Variants in NUP214 observed in about 807,000 individuals in gnomAD.
NUP214 encodes the protein nucleoporin 214, also known as nuclear pore complex protein Nup214.
NUP214 carries 79 observed loss-of-function variants against 196.2 expected under a neutral mutation model. The observed-to-expected ratio is 0.40, with a 90% CI of 0.34 to 0.49. The LOEUF (loss-of-function observed/expected upper bound fraction) is 0.49, where lower values mean the gene tolerates loss of function less well. NUP214 is among the 20% of genes least tolerant of loss of function. The pLI is 0.58. For missense variants in NUP214, 2,468 were observed against 2,539.0 expected (o/e 0.97, Z 0.60); for synonymous variants, 1,020 against 990.5 (o/e 1.03, Z -0.56).
intron 18 of NUP214, among the ~76,000 whole-genome samples, chr9:131,162,023 T>A (rs1832653878): frequency 6.6e-6 from 1 of 152,124 alleles, no homozygotes; most frequent in African/African-American, 2.4e-5. Context: ...ATTTTTTTTT[T>A]AAGCTTATCA....
At chr9:131,196,514 T>C (rs1398397329) in intron 28 of NUP214, among the ~76,000 whole-genome samples, 1 of 152,210 alleles carries the variant, frequency 6.6e-6, no homozygotes. Flanking sequence ...TTATGGGTGC[T>C]TTACCCATAT....
chr9:131,154,909 G>A (rs1194010292), intron 17 of NUP214, among the ~76,000 whole-genome samples: 1 of 152,194 alleles, frequency 6.6e-6, no homozygotes, highest in Non-Finnish European at 1.5e-5. Context: ...GGGCATTTGG[G>A]CTCGTTCCAT....
chr9:131,161,327 G>A (rs1468552093), intron 18 of NUP214, among the ~76,000 whole-genome samples: 4 of 149,960 alleles, frequency 2.7e-5, no homozygotes, highest in South Asian at 2.1e-4. Flanking sequence ...GCGCGATCTC[G>A]GCTCACTGCA....
rs1027653728 is a variant in NUP214, at chr9:131,201,853, C to T, written c.5592+136C>T. ...CTGTGTGGTTCTTAAGCTGTACTCC[C>T]TTCAGCTGCCTTGGAGGTGCAGAAG... On this transcript the variant is annotated intron_variant, in intron 30 of 35. Coordinates refer to ENST00000359428, the MANE Select transcript of NUP214 (RefSeq NM_005085.4). 5.6e-6 allele frequency: 4 copies of T among 711,156 alleles called. No homozygotes were observed. In the East Asian group the frequency reaches 8.1e-5, roughly 14 times the overall value. The allele number at this position is 711,156 out of a possible 1,614,324, so 44.1% of individuals were successfully genotyped here.
chr9:131,173,224 T>A (rs1049757306), intron 21 of NUP214, among the ~76,000 whole-genome samples: 4 of 152,124 alleles, frequency 2.6e-5, no homozygotes, highest in African/African-American at 9.7e-5. Flanking sequence ...GACTGGCTAA[T>A]TTTTGTATTT....
At chr9:131,166,759 C>T (rs896928683) in intron 21 of NUP214, among the ~76,000 whole-genome samples, 1 of 147,804 alleles carries the variant, frequency 6.8e-6, no homozygotes, top group Admixed American at 6.8e-5. Flanking sequence ...TTGCCTTTGC[C>T]TTTTTTTTTT....
intron 23 of NUP214, among the ~76,000 whole-genome samples, chr9:131,177,413 A>G (rs191991582): frequency 1.3e-3 from 193 of 152,312 alleles, no homozygotes; most frequent in African/African-American, 4.5e-3. Context: ...AAAATCTATT[A>G]GGATTGAGGA....
chr9:131,221,593 C>G (rs1285328261), intron 31 of NUP214, among the ~76,000 whole-genome samples: 1 of 152,172 alleles, frequency 6.6e-6, no homozygotes, highest in Non-Finnish European at 1.5e-5. Flanking sequence ...ATGTTAAGTG[C>G]TCCCCCTCCT....
At chr9:131,137,887 A>T (rs353542) in intron 9 of NUP214, among the ~76,000 whole-genome samples, 1 of 151,918 alleles carries the variant, frequency 6.6e-6, no homozygotes, top group African/African-American at 2.4e-5. Flanking sequence ...TGTGAGAGGA[A>T]TGTCTTAGCA....
In NUP214 at chr9:131,127,611, T is replaced by A. The variant is rs764501823; in HGVS notation, c.133T>A (p.Ser45Thr). The change falls in exon 2 of 36, where the codon TCC becomes ACC. Residue 45 changes from serine (S) to threonine (T), a missense_variant. Physicochemically the swap from Ser to Thr is moderately conservative, Grantham distance 58 (BLOSUM62 1). This residue lies in a region of NUP214 where 392 missense variants were observed against 417.9 expected (regional missense o/e 0.94). Transcript: ENST00000359428. ...PKERSSLLAV[S>T]NKYGLVFAGG... ...GGAACGCTCGAGTCTGCTTGCTGTG[T>A]CCAACAAATATGGTCTGGTCTTCGC... 5.0e-6 allele frequency: 8 copies of A among 1,614,062 alleles called. No homozygotes were observed. Among genetic ancestry groups the A allele is most frequent in the African/African-American group, 1.3e-5 (1 of 74,944 alleles).
chr9:131,147,376 TG>T, intron 13 of NUP214, 113 bp from the exon 14 acceptor site: 1 of 734,130 alleles, frequency 1.4e-6, no homozygotes, highest in Non-Finnish European at 2.3e-6. Context: ...ATCATGAAAG[TG>T]GGCCAGGGGC....
At position 131,129,413 on chromosome 9, in the gene NUP214, C is replaced by T. The variant is rs772723133; in HGVS notation, c.528C>T (p.Val176=). The T allele has an allele frequency of 6.2e-7, 1 of 1,614,184 alleles. No homozygotes were observed. Among genetic ancestry groups the T allele is most frequent in the South Asian group, 1.1e-5 (1 of 91,088 alleles). The part of the protein sequence containing the change: ...AVCLADGSIA[V]LQVTETVKVC... ...GTCTGGCTGATGGTAGTATTGCTGT[C>T]CTGCAAGTCACGGAAACAGTGAAAG... Residue 176 remains valine, a synonymous_variant, in exon 4 of 36, where the codon GTC becomes GTT. Coordinates refer to ENST00000359428, the MANE Select transcript of NUP214 (RefSeq NM_005085.4).
chr9:131,211,002 G>T (rs981634697), intron 30 of NUP214, among the ~76,000 whole-genome samples: 3 of 152,168 alleles, frequency 2.0e-5, no homozygotes, highest in Admixed American at 2.0e-4. Context: ...TCATGGATCA[G>T]AAGACTCAAC....
rs112973483 is a variant in NUP214 at position 131,132,640 on chromosome 9, G to A, written c.708G>A (p.Glu236=). Residue 236 remains glutamate, a synonymous_variant, in exon 6 of 36, where the codon GAG becomes GAA. Transcript: ENST00000359428. Reference sequence around the variant, plus strand: ...TCATTCCTTGTCCTCCGTTTTATGAGTCAGATCATCCTGTCAGAGGTAACA... The same window carrying A: ...TCATTCCTTGTCCTCCGTTTTATGAATCAGATCATCCTGTCAGAGGTAACA... ...KKVIPCPPFY[E]SDHPVRVLDV... 158 of 1,614,064 alleles carry A rather than the reference G, an allele frequency of 9.8e-5. No homozygotes were observed. In the African/African-American group the frequency reaches 1.8e-3, roughly 18 times the overall value.
intron 6 of NUP214, 23 bp downstream of exon 6, chr9:131,132,682 G>A (rs958335316): frequency 1.3e-6 from 2 of 1,594,880 alleles, no homozygotes; most frequent in Middle Eastern, 1.7e-4. Flanking sequence ...TTTCTTATTG[G>A]GCTGACCTCT....
intron 17 of NUP214, among the ~76,000 whole-genome samples, chr9:131,157,518 G>C (rs1490973961): frequency 7.0e-6 from 1 of 142,552 alleles, no homozygotes; most frequent in Non-Finnish European, 1.5e-5. Flanking sequence ...AGGCTGGAGT[G>C]CAGTGGTGCG....
At chr9:131,148,128 A>C (rs1239846158) in intron 14 of NUP214, among the ~76,000 whole-genome samples, 4 of 152,218 alleles carry the variant, frequency 2.6e-5, no homozygotes, top group African/African-American at 9.6e-5. Context: ...CGGAGGCCAG[A>C]ACCCCAGAGT....
chr9:131,198,466 A>G lies in NUP214; in HGVS notation c.4972A>G (p.Asn1658Asp), dbSNP rs1833855498. Residue 1658 changes from asparagine (N) to aspartate (D), a missense_variant, in exon 29 of 36, where the codon AAC becomes GAC. This residue lies in a region of NUP214 where 1,801 missense variants were observed against 1,779.4 expected (regional missense o/e 1.01). Transcript: ENST00000359428. ...TGCTGCCAGTTCTAGCTCAGCTTTC[A>G]ACCAGCTCACCAACAACACAGCCAC... ...PPAASSSSAF[N>D]QLTNNTATAP... 3.7e-6 allele frequency: 6 copies of G among 1,614,124 alleles called. No individual in the cohort carries two copies. Among genetic ancestry groups the G allele is most frequent in the East Asian group, 2.2e-5 (1 of 44,824 alleles).
At chr9:131,178,697 AG>A (rs1833183074) in intron 24 of NUP214, among the ~76,000 whole-genome samples, 1 of 120,064 alleles carries the variant, frequency 8.3e-6, no homozygotes, top group East Asian at 2.2e-4. Context: ...TTAGGTGTGC[AG>A]GTTGATTTTT....
Sources: allele counts gnomAD v4.1 joint callset (sites outside exome capture counted in the v4.1 genomes callset), GRCh38; gene constraint gnomAD v4.1.1; regional missense constraint gnomAD v4.1.1; transcripts MANE v1.5; gene names NCBI Gene and HGNC (gene_info 2026-07-23, HGNC 2026-07-21).